The following CLYBL variants were observed in gnomAD, a reference collection of about 807,000 sequenced individuals.
The protein encoded by CLYBL is citramalyl-CoA lyase.
In CLYBL, 31 loss-of-function variants were observed where a neutral mutation model predicts 38.9. The ratio of observed to expected loss-of-function variants is 0.80; its 90% CI spans 0.60 to 1.08. The LOEUF (loss-of-function observed/expected upper bound fraction) is 1.08, where lower values mean the gene tolerates loss of function less well. Among genes scored for constraint, CLYBL ranks in the 50% least tolerant of loss-of-function variants. The pLI is 0.00. For synonymous variants in CLYBL, 171 were observed against 158.6 expected, an observed-to-expected ratio of 1.08 and a Z score of -0.59; for missense variants, 434 against 411.6, an observed-to-expected ratio of 1.05 and a Z score of -0.47.
At chr13:99,707,016 CT>C (rs2048157110) in intron 1 of CLYBL, among the ~76,000 whole-genome samples, 2 of 151,950 alleles carry the variant, frequency 1.3e-5, no homozygotes, top group South Asian at 4.1e-4. Flanking sequence ...GTTGTCCAGG[CT>C]TGAAATTTGA....
intron 2 of CLYBL, among the ~76,000 whole-genome samples, chr13:99,842,996 C>T (rs2051121046): frequency 6.6e-6 from 1 of 152,090 alleles, no homozygotes; most frequent in Non-Finnish European, 1.5e-5. Context: ...CAATACTCAC[C>T]AACCCTTGAG....
chr13:99,839,503 C>T (rs74391198), intron 2 of CLYBL, among the ~76,000 whole-genome samples: 3 of 152,130 alleles, frequency 2.0e-5, no homozygotes, highest in African/African-American at 7.2e-5. Flanking sequence ...CACTCCAGGA[C>T]CTAACCTGCT....
At chr13:99,839,909 T>C (rs988666499) in intron 2 of CLYBL, among the ~76,000 whole-genome samples, 5 of 152,066 alleles carry the variant, frequency 3.3e-5, no homozygotes, top group African/African-American at 7.2e-5. Flanking sequence ...ATACTTGGTC[T>C]TATTCATTCA....
intron 1 of CLYBL, 94 bp from the exon 2 acceptor site, chr13:99,772,730 G>C: frequency 9.8e-7 from 1 of 1,017,700 alleles, no homozygotes; most frequent in East Asian, 2.5e-5. Flanking sequence ...TTATCCATGT[G>C]TTCTATTTTA....
chr13:99,684,513 CCTT>C (rs1156828543), intron 1 of CLYBL, among the ~76,000 whole-genome samples: 3 of 152,052 alleles, frequency 2.0e-5, no homozygotes, highest in Admixed American at 2.0e-4. Context: ...CATGAATGAA[CCTT>C]CTTATGATTC....
chr13:99,855,550 A>G (rs889823943), intron 2 of CLYBL, among the ~76,000 whole-genome samples: 5 of 152,182 alleles, frequency 3.3e-5, no homozygotes, highest in Admixed American at 6.5e-5. Context: ...GGTGGAGATG[A>G]GAGAGCTGAG....
At chr13:99,682,708 C>A (rs1046444902) in intron 1 of CLYBL, among the ~76,000 whole-genome samples, 3 of 152,046 alleles carry the variant, frequency 2.0e-5, no homozygotes, top group Non-Finnish European at 4.4e-5. Context: ...AACTTTTCTT[C>A]AGTAGTAAAT....
At position 99,866,782 on chromosome 13, in the gene CLYBL, T is replaced by C. The variant is rs550734885; in HGVS notation, c.802+375T>C. ...TGGACAGAAGAAAAATCTCCTAGAATATCCAAAATTTAATTCATTTCTGAA... is the reference window on the plus strand; with the variant it reads ...TGGACAGAAGAAAAATCTCCTAGAACATCCAAAATTTAATTCATTTCTGAA... On this transcript the variant is annotated intron_variant, in intron 6 of 8. Transcript: ENST00000339105. Among the ~76,000 whole-genome samples, 8 of 152,266 alleles carry C rather than the reference T, an allele frequency of 5.3e-5. No individual in the cohort carries two copies. In the South Asian group the frequency reaches 1.7e-3, roughly 32 times the overall value.
intron 1 of CLYBL, among the ~76,000 whole-genome samples, chr13:99,743,966 C>CTTTTTTTTTTTTTT (rs1162079530): frequency 7.2e-5 from 5 of 69,178 alleles, no homozygotes; most frequent in Admixed American, 2.1e-4. Flanking sequence ...TCTCTTCTTT[C>CTTTTTTTTTTTTTT]TTTTTTTTTT....
chr13:99,779,317 A>G (rs1318560802), intron 2 of CLYBL, among the ~76,000 whole-genome samples: 2 of 151,692 alleles, frequency 1.3e-5, no homozygotes, highest in Non-Finnish European at 2.9e-5. Context: ...TAATTTTTGT[A>G]TTTTTAGTAG....
At chr13:99,746,172 C>T (rs2048847755) in intron 1 of CLYBL, among the ~76,000 whole-genome samples, 2 of 151,846 alleles carry the variant, frequency 1.3e-5, no homozygotes, top group South Asian at 2.1e-4. Flanking sequence ...TAATTTGACA[C>T]GTTTAGCAGC....
intron 1 of CLYBL, among the ~76,000 whole-genome samples, chr13:99,625,892 C>T (rs1294815551): frequency 6.6e-6 from 1 of 152,236 alleles, no homozygotes; most frequent in African/African-American, 2.4e-5. Context: ...TTTGCTGTGC[C>T]AGGTTCCAGA....
rs553445691 is a variant in CLYBL, at chr13:99,764,577, A to G, written c.63-8247A>G. ...GATTCTTTGTATTTCCGTGGTCTCAATTGTTATGTCTCCTTTTTCATTTCT... is the reference window on the plus strand; with the variant it reads ...GATTCTTTGTATTTCCGTGGTCTCAGTTGTTATGTCTCCTTTTTCATTTCT... On this transcript the variant is annotated intron_variant, in intron 1 of 8. Coordinates refer to ENST00000339105, the MANE Select transcript of CLYBL (RefSeq NM_206808.5). Among the ~76,000 whole-genome samples, 122 of 152,098 alleles carry G rather than the reference A, an allele frequency of 8.0e-4. 2 individuals are homozygous for G. In the South Asian group the frequency reaches 0.02, roughly 25 times the overall value.
chr13:99,787,780 T>C (rs2049828868), intron 2 of CLYBL, among the ~76,000 whole-genome samples: 1 of 152,222 alleles, frequency 6.6e-6, no homozygotes, highest in South Asian at 2.1e-4. Flanking sequence ...AATCTATAAA[T>C]TACCTTGGGC....
intron 1 of CLYBL, among the ~76,000 whole-genome samples, chr13:99,648,732 C>T (rs567671491): frequency 5.9e-5 from 9 of 152,234 alleles, no homozygotes; most frequent in Non-Finnish European, 1.5e-5. Flanking sequence ...AGAAAATGTA[C>T]TTTTCTTACT....
At chr13:99,856,962 G>A (rs970228030) in intron 2 of CLYBL, among the ~76,000 whole-genome samples, 5 of 151,880 alleles carry the variant, frequency 3.3e-5, no homozygotes. Flanking sequence ...TCTCCCAGCA[G>A]CTCTAGACAG....
chr13:99,676,186 G>GTCCGTCCGTCCTTCCTTCCTTCCTTCCT (rs1459044000), intron 1 of CLYBL, among the ~76,000 whole-genome samples: 1 of 132,992 alleles, frequency 7.5e-6, no homozygotes, highest in Non-Finnish European at 1.6e-5. Flanking sequence ...CCCTCCGTCC[G>GTCCGTCCGTCCTTCCTTCCTTCCTTCCT]TCCTTCCTTC....
At chr13:99,650,364 G>A (rs534043357) in intron 1 of CLYBL, among the ~76,000 whole-genome samples, 1 of 152,260 alleles carries the variant, frequency 6.6e-6, no homozygotes, top group East Asian at 1.9e-4. Context: ...TAAGGCTACG[G>A]TGAACTATGG....
intron 3 of CLYBL, 131 bp from the exon 4 acceptor site, chr13:99,862,860 T>C: frequency 2.3e-6 from 1 of 433,334 alleles, no homozygotes; most frequent in Non-Finnish European, 4.1e-6. Context: ...TTAAAAAAAT[T>C]CTTTTGTGTG....
Sources: allele counts gnomAD v4.1 joint callset (sites outside exome capture counted in the v4.1 genomes callset), GRCh38; gene constraint gnomAD v4.1.1; transcripts MANE v1.5; gene names NCBI Gene and HGNC (gene_info 2026-07-23, HGNC 2026-07-21).